Variants in KLRG2 observed in about 807,000 individuals in gnomAD.
The protein encoded by KLRG2 is killer cell lectin-like receptor subfamily G member 2.
Under a neutral mutation model 35.4 loss-of-function variants are expected in KLRG2, and 39 were observed. The ratio of observed to expected loss-of-function variants is 1.10; its 90% CI spans 0.85 to 1.44. The LOEUF is 1.44. Ranked by LOEUF, KLRG2 falls within the 40% of genes most tolerant of loss-of-function variation. KLRG2 has a pLI of 0.00. For synonymous variants in KLRG2, 283 were observed against 265.8 expected (o/e 1.06, Z -0.63); for missense variants, 632 against 570.9 (o/e 1.11, Z -1.09).
chr7:139,476,629 G>A (rs575859574), intron 3 of KLRG2, among the ~76,000 whole-genome samples: 2 of 152,026 alleles, frequency 1.3e-5, no homozygotes, highest in Admixed American at 6.6e-5. Flanking sequence ...TAGTAGAGAC[G>A]GGGTTTCACC....
chr7:139,464,357 C>T (rs1273514005), intron 3 of KLRG2, among the ~76,000 whole-genome samples: 3 of 152,202 alleles, frequency 2.0e-5, no homozygotes, highest in Non-Finnish European at 4.4e-5. Context: ...ATAAACTCTC[C>T]TTACAATTCC....
At position 139,468,046 on chromosome 7, in the gene KLRG2, A is replaced by G. The variant is rs558410126; in HGVS notation, c.1005+11581T>C. ...TGCTCTTTAAGGTATTGAGATGTTT[A>G]TGTGTGTGCATATCTAAAGCACAGC... On this transcript the variant is annotated intron_variant, in intron 3 of 4. Coordinates refer to ENST00000340940, the MANE Select transcript of KLRG2 (RefSeq NM_198508.4). 5.3e-5 allele frequency among the ~76,000 whole-genome samples: 8 copies of G among 152,318 alleles called. No individual in the cohort carries two copies. In the South Asian group the frequency reaches 1.7e-3, roughly 32 times the overall value.
intron 3 of KLRG2, among the ~76,000 whole-genome samples, chr7:139,473,012 T>C (rs772059297): frequency 1.3e-5 from 2 of 152,208 alleles, no homozygotes; most frequent in Non-Finnish European, 2.9e-5. Context: ...GGGGATGCGG[T>C]GGCTCGCGCC....
the KLRG2 span, among the ~76,000 whole-genome samples, chr7:139,432,853 A>T: frequency 6.6e-6 from 1 of 152,050 alleles, no homozygotes; most frequent in African/African-American, 2.4e-5. Context: ...TCTCCCAAAT[A>T]TTTTAAACCC....
At chr7:139,445,744 T>C in the KLRG2 span, among the ~76,000 whole-genome samples, 1 of 145,680 alleles carries the variant, frequency 6.9e-6, no homozygotes, top group Non-Finnish European at 1.5e-5. Flanking sequence ...ATAGAGTCCT[T>C]CCTAAATTAT....
the KLRG2 span, among the ~76,000 whole-genome samples, chr7:139,445,793 G>GTATATATATATATATGTATATATATA: frequency 2.5e-4 from 24 of 95,550 alleles, 1 homozygote; most frequent in East Asian, 9.9e-4. Flanking sequence ...ATATATATAT[G>GTATATATATATATATGTATATATATA]TGTGTATATA....
chr7:139,483,144 G>C lies in KLRG2; in HGVS notation c.499C>G (p.Pro167Ala), dbSNP rs1290752334. Reference sequence around the variant, plus strand: ...GCGCGCAGCAGGAGCTGGTGCGCCGGGTCCGCGTGGCGGGAGAAGGCAGGG... The same window carrying C: ...GCGCGCAGCAGGAGCTGGTGCGCCGCGTCCGCGTGGCGGGAGAAGGCAGGG... Reference protein sequence around the residue: ...ESPAFSRHADPAHQLLLRAPS... With the variant: ...ESPAFSRHADAAHQLLLRAPS... The change falls in exon 1 of 5, where the codon CCG (proline) becomes GCG (alanine). Residue 167 changes from proline (P) to alanine (A), a missense_variant. Transcript: ENST00000340940. 6.7e-7 allele frequency: 1 copy of C among 1,488,680 alleles called. No individual in the cohort carries two copies. Among genetic ancestry groups the C allele is most frequent in the African/African-American group, 1.5e-5 (1 of 68,326 alleles). The allele number at this position is 1,488,680 out of a possible 1,614,324, so 92.2% of individuals were successfully genotyped here.
chr7:139,464,926 C>T (rs113215741), intron 3 of KLRG2, among the ~76,000 whole-genome samples: 2,641 of 152,348 alleles, frequency 0.017, 78 homozygotes, highest in African/African-American at 0.06. Context: ...CAGCTATACT[C>T]GCTCTTTGTT....
At chr7:139,480,434 A>G (rs1340230201) in intron 1 of KLRG2, among the ~76,000 whole-genome samples, 187 bp from the exon 2 acceptor site, 3 of 140,534 alleles carry the variant, frequency 2.1e-5, no homozygotes, top group Admixed American at 1.4e-4. Flanking sequence ...AAGAAGCCAG[A>G]TATTCTTTTT....
chr7:139,438,425 C>CA, the KLRG2 span, among the ~76,000 whole-genome samples: 2 of 152,060 alleles, frequency 1.3e-5, no homozygotes, highest in African/African-American at 4.8e-5. Context: ...CTTTGTTGCT[C>CA]AGGCTGGTCT....
chr7:139,468,227 C>A (rs1211134547), intron 3 of KLRG2, among the ~76,000 whole-genome samples: 2 of 152,034 alleles, frequency 1.3e-5, no homozygotes, highest in Non-Finnish European at 2.9e-5. Context: ...CAGAGGCTGG[C>A]GGGATCCTCT....
At chr7:139,438,355 T>C in the KLRG2 span, among the ~76,000 whole-genome samples, 2 of 152,158 alleles carry the variant, frequency 1.3e-5, no homozygotes, top group Non-Finnish European at 2.9e-5. Flanking sequence ...CCTGAGTAAC[T>C]GGGACCACAG....
downstream of KLRG2, among the ~76,000 whole-genome samples, chr7:139,448,526 A>T (rs1422068927): frequency 2.0e-5 from 3 of 152,118 alleles, no homozygotes; most frequent in East Asian, 3.9e-4. Context: ...GTACAGTAAA[A>T]ATATGGTGTA....
chr7:139,448,161 T>A (rs1569407006), downstream of KLRG2, among the ~76,000 whole-genome samples: 1 of 151,898 alleles, frequency 6.6e-6, no homozygotes, highest in Non-Finnish European at 1.5e-5. Flanking sequence ...ACGCCCAGCT[T>A]ATTTTTTATT....
In KLRG2 at chr7:139,480,243, T is replaced by A. The variant is rs1165305191; in HGVS notation, c.762A>T (p.Leu254=). 4 of 1,591,984 alleles carry A rather than the reference T, an allele frequency of 2.5e-6. No homozygotes were observed. In the Admixed American group the frequency reaches 6.7e-5, roughly 27 times the overall value. ...AGTACAGGGACTTCACGTACATGGG[T>A]AGCCCTGGGACGGGGGCAAACAGGA... ...KLPRAVTLTG[L]PMYVKSLYWA... The change falls in exon 2 of 5, where the codon CTA becomes CTT. Residue 254 remains leucine, a synonymous_variant. Transcript: ENST00000340940.
Position 139,453,207 on chromosome 7 carries a change from T to C in KLRG2, c.*380A>G. The C allele has an allele frequency of 5.2e-6, 2 of 384,144 alleles. No individual in the cohort carries two copies. The highest frequency in any genetic ancestry group is 9.2e-6 in the Non-Finnish European group (2 of 218,102). The allele number at this position is 384,144 out of a possible 1,614,324, so 23.8% of individuals were successfully genotyped here. A position where few individuals can be genotyped will look rare whatever the true frequency, so the allele number is the denominator to read the frequency against. ...CTGAACAACGGCAGACTCATTTCCA[T>C]GAGCCGGAATGAGAACCCAGATTGG... is the stretch of plus-strand genomic sequence containing the variant. On this transcript the variant is annotated 3_prime_UTR_variant, in exon 5 of 5. Transcript: ENST00000340940.
chr7:139,475,530 C>CAAA (rs532874176), intron 3 of KLRG2, among the ~76,000 whole-genome samples: 18 of 136,908 alleles, frequency 1.3e-4, no homozygotes, highest in African/African-American at 4.3e-4. Context: ...GACTCTATCT[C>CAAA]AAAAAAAAAA....
At position 139,483,342 on chromosome 7, in the gene KLRG2, C is replaced by T. The variant is rs1797004506; in HGVS notation, c.301G>A (p.Val101Ile). The T allele has an allele frequency of 1.3e-6, 2 of 1,544,524 alleles. No homozygotes were observed. The highest frequency in any genetic ancestry group is 8.7e-7 in the Non-Finnish European group (1 of 1,155,228). ...PEPPSPGPAL[V>I]KLPRNGEAPG... ...GCCTCGCCATTCCGGGGCAGCTTGA[C>T]CAAGGCAGGGCCCGGTGACGGCGGC... is the stretch of plus-strand genomic sequence containing the variant. Residue 101 changes from valine to isoleucine, a missense_variant, in exon 1 of 5, where the codon GTC (valine) becomes ATC (isoleucine). By Grantham distance (29) the Val-to-Ile change is conservative. Coordinates refer to ENST00000340940, the MANE Select transcript of KLRG2 (RefSeq NM_198508.4).
chr7:139,429,254 T>C, the KLRG2 span, among the ~76,000 whole-genome samples: 4 of 152,186 alleles, frequency 2.6e-5, no homozygotes, highest in African/African-American at 9.7e-5. Flanking sequence ...TGCAGTGGGC[T>C]GAGATTTTGC....
Sources: allele counts gnomAD v4.1 joint callset (sites outside exome capture counted in the v4.1 genomes callset), GRCh38; gene constraint gnomAD v4.1.1; transcripts MANE v1.5; gene names NCBI Gene and HGNC (gene_info 2026-07-23, HGNC 2026-07-21).